Variants in ABCA3 observed in about 807,000 individuals in gnomAD.
ABCA3 encodes phospholipid-transporting ATPase ABCA3.
ABCA3 carries 88 observed loss-of-function variants against 172.8 expected under a neutral mutation model. That is an observed-to-expected ratio of 0.51 (90% CI 0.43 to 0.61). ABCA3 has a LOEUF of 0.61. Among genes scored for constraint, ABCA3 ranks in the 20% least tolerant of loss-of-function variants. The pLI, the probability that ABCA3 is intolerant of heterozygous loss-of-function variation, is 0.00. For synonymous variants in ABCA3, 1,066 were observed against 983.8 expected (o/e 1.08, Z -1.56); for missense variants, 2,164 against 2,301.0 (o/e 0.94, Z 1.22).
chr16:2,295,537 T>C (rs932820342), intron 18 of ABCA3, 53 bp downstream of exon 18: 34 of 1,603,280 alleles, frequency 2.1e-5, no homozygotes, highest in Admixed American at 6.7e-5. Context: ...TCATGGCCCA[T>C]GGGGATCCCA....
intron 8 of ABCA3, 54 bp from the exon 9 acceptor site, chr16:2,317,818 G>T: frequency 6.5e-7 from 1 of 1,547,560 alleles, no homozygotes; most frequent in East Asian, 2.2e-5. Flanking sequence ...CGCCATGATG[G>T]CATGTGCCAG....
intron 9 of ABCA3, 107 bp downstream of exon 9, chr16:2,317,541 C>A: frequency 1.3e-6 from 2 of 1,581,308 alleles, no homozygotes; most frequent in South Asian, 1.1e-5. Flanking sequence ...CCATGAGGGA[C>A]AGACTCTCTC....
At chr16:2,316,850 T>C (rs904394747) in intron 10 of ABCA3, among the ~76,000 whole-genome samples, 2 of 152,104 alleles carry the variant, frequency 1.3e-5, no homozygotes, top group Admixed American at 6.6e-5. Flanking sequence ...ACACAACTTA[T>C]AGCCTCTGAA....
chr16:2,326,535 A>G, intron 3 of ABCA3, 43 bp from the exon 4 acceptor site: 2 of 1,557,598 alleles, frequency 1.3e-6, no homozygotes, highest in Non-Finnish European at 1.7e-6. Context: ...GCGCAATAGA[A>G]ACACGCAGAG....
intron 17 of ABCA3, 141 bp from the exon 18 acceptor site, chr16:2,295,881 G>C (rs1362874080): frequency 1.7e-6 from 2 of 1,158,890 alleles, no homozygotes; most frequent in East Asian, 2.5e-5. Flanking sequence ...GAAGCAGAAT[G>C]AATGTGTCTT....
Position 2,323,572 on chromosome 16 carries a change from G to A in ABCA3, c.564C>T (p.Phe188=). The change falls in exon 7 of 33, where the codon TTC becomes TTT. Residue 188 remains phenylalanine (F), a synonymous_variant. Transcript: ENST00000301732. The stretch of plus-strand genomic sequence containing the variant: ...TAGGTTCCCTTGGTCCTGGGTTTGG[G>A]AAAAGCGGGAAAAGGGAAGTAGTGT... ...GWHTTSLFPL[F]PNPGPREPTS... The A allele has an allele frequency of 1.2e-6, 2 of 1,614,154 alleles. No individual in the cohort carries two copies. The highest frequency in any genetic ancestry group is 8.5e-7 in the Non-Finnish European group (1 of 1,180,038).
chr16:2,281,567 GAGAA>G lies in ABCA3; in HGVS notation c.4036-62_4036-59del. 1 of 1,050,104 alleles carries G rather than the reference GAGAA, an allele frequency of 9.5e-7. No individual in the cohort carries two copies. Among genetic ancestry groups the G allele is most frequent in the Non-Finnish European group, 1.4e-6 (1 of 715,104 alleles). The allele number at this position is 1,050,104 out of a possible 1,614,324, so 65.0% of individuals were successfully genotyped here. On this transcript the variant is annotated intron_variant, in intron 26 of 32. Transcript: ENST00000301732. The surrounding 1 kb of genome is among the most constrained non-coding windows in gnomAD (Gnocchi z 4.7). Reference sequence around the variant, plus strand: ...ACCCAGCCGCAGGGCGGCTTCCGTGGAGAAGGGAGGGGCGGGGGTGGATGTGGGA... The same window carrying G: ...ACCCAGCCGCAGGGCGGCTTCCGTGGGGGAGGGGCGGGGGTGGATGTGGGA...
Position 2,281,590 on chromosome 16 carries a change from T to C in ABCA3, c.4036-81A>G, listed in dbSNP as rs535498378. 2 of 1,185,064 alleles carry C rather than the reference T, an allele frequency of 1.7e-6. No individual in the cohort carries two copies. The highest frequency in any genetic ancestry group is 2.4e-6 in the Non-Finnish European group (2 of 828,008). 73.4% of individuals were successfully genotyped at this position (1,185,064 alleles called of 1,614,324 possible). ...TGGAGAAGGGAGGGGCGGGGGTGGA[T>C]GTGGGAGGTCTGGTGGGACTAAGGC... is the stretch of plus-strand genomic sequence containing the variant. On this transcript the variant is annotated intron_variant, in intron 26 of 32. Coordinates refer to ENST00000301732, the MANE Select transcript of ABCA3 (RefSeq NM_001089.3). This position sits in a 1 kb window ranked among gnomAD's most constrained non-coding sequence, Gnocchi z 4.7.
At position 2,340,655 on chromosome 16, in the gene ABCA3, A is replaced by T. The variant is rs1405256193; in HGVS notation, c.-621T>A. ...CCCTCGGCCACCCGGGCTCCGCTCC[A>T]GCCTCGCAGTGGCGGCGGCACTGAC... On this transcript the variant is annotated 5_prime_UTR_variant, in exon 1 of 33. Coordinates refer to ENST00000301732, the MANE Select transcript of ABCA3 (RefSeq NM_001089.3). The T allele has an allele frequency of 6.7e-6, 1 of 149,810 alleles. No homozygotes were observed. The highest frequency in any genetic ancestry group is 1.5e-5 in the Non-Finnish European group (1 of 67,082). The allele number at this position is 149,810 out of a possible 1,614,324, so 9.3% of individuals were successfully genotyped here.
chr16:2,304,088 C>A lies in ABCA3; in HGVS notation c.1348G>T (p.Gly450Trp), dbSNP rs377714049. Reference sequence around the variant, plus strand: ...AGCAGCAGCATCCCCAGCACCTGCCCGAAGCAGAAGTCGTCGTCCACGTTG... The same window carrying A: ...AGCAGCAGCATCCCCAGCACCTGCCAGAAGCAGAAGTCGTCGTCCACGTTG... ...PVNVDDDFCF[G>W]QVLGMLLLDS... Residue 450 changes from glycine (G) to tryptophan (W), a missense_variant, in exon 12 of 33, where the codon GGG becomes TGG. Physicochemically the swap from Gly to Trp is radical, Grantham distance 184. This residue lies in a region of ABCA3 where 1,343 missense variants were observed against 1,369.6 expected (regional missense o/e 0.98). Coordinates refer to ENST00000301732, the MANE Select transcript of ABCA3 (RefSeq NM_001089.3). 2 of 1,614,142 alleles carry A rather than the reference C, an allele frequency of 1.2e-6. No individual in the cohort carries two copies. The highest frequency in any genetic ancestry group is 1.3e-5 in the African/African-American group (1 of 75,028).
rs1454726709 is a variant in ABCA3 at position 2,323,694 on chromosome 16, G to A, written c.448-6C>T. ...AACCGTAGGTGATATTTCACCTGTG[G>A]AAACAAAGAGAAAACCAGCTGTTCC... On this transcript the variant is annotated splice_region_variant and splice_polypyrimidine_tract_variant and intron_variant, in intron 6 of 32. Transcript: ENST00000301732. The A allele has an allele frequency of 1.9e-6, 3 of 1,613,970 alleles. No individual in the cohort carries two copies. The highest frequency in any genetic ancestry group is 2.7e-5 in the African/African-American group (2 of 74,938).
In ABCA3 at chr16:2,301,029, GA is replaced by G. The variant is rs1317865606; in HGVS notation, c.1468-882del. ...GCGGATCATGAGGTCAGGAGATCGA[GA>G]CCATCCTGGCTAACACGGTGAAACC... On this transcript the variant is annotated intron_variant, in intron 12 of 32. Coordinates refer to ENST00000301732, the MANE Select transcript of ABCA3 (RefSeq NM_001089.3). Among the ~76,000 whole-genome samples, 146 of 151,870 alleles carry G rather than the reference GA, an allele frequency of 9.6e-4. 7 individuals carry two copies. The highest frequency in any genetic ancestry group is 3.2e-3 in the African/African-American group (134 of 41,348).
At chr16:2,325,971 A>T in intron 5 of ABCA3, 39 bp downstream of exon 5, 1 of 1,610,638 alleles carries the variant, frequency 6.2e-7, no homozygotes, top group Non-Finnish European at 8.5e-7. Context: ...GCGTGGAGGC[A>T]CCACTAGGCC....
rs919629228 is a variant in ABCA3, at chr16:2,317,549, C to A, written c.990+99G>T. On this transcript the variant is annotated intron_variant, in intron 9 of 32. Coordinates refer to ENST00000301732, the MANE Select transcript of ABCA3 (RefSeq NM_001089.3). ...CTCTCCCCCATGAGGGACAGACTCT[C>A]TCTGAAGTCTCTGACCACAAAGTTC... 7.0e-6 allele frequency: 11 copies of A among 1,579,010 alleles called. No homozygotes were observed. In the African/African-American group the frequency reaches 1.3e-4, roughly 19 times the overall value.
chr16:2,308,846 C>T (rs957997560), intron 10 of ABCA3, among the ~76,000 whole-genome samples: 1 of 152,186 alleles, frequency 6.6e-6, no homozygotes, highest in Non-Finnish European at 1.5e-5. Context: ...GGGACCCCCA[C>T]ACCAACACCT....
intron 3 of ABCA3, 36 bp from the exon 4 acceptor site, chr16:2,326,528 C>A (rs370036779): frequency 2.4e-5 from 38 of 1,566,008 alleles, no homozygotes; most frequent in Non-Finnish European, 2.8e-5. Flanking sequence ...TGTGGGTGCG[C>A]AATAGAAACA....
At chr16:2,329,160 TA>T (rs1353534320) in intron 2 of ABCA3, among the ~76,000 whole-genome samples, 1 of 152,158 alleles carries the variant, frequency 6.6e-6, no homozygotes, top group Non-Finnish European at 1.5e-5. Flanking sequence ...GTGAAGAAAT[TA>T]AAGCTAAAAT....
chr16:2,316,489 G>GA (rs2141728840), intron 10 of ABCA3, among the ~76,000 whole-genome samples: 1 of 7,984 alleles, frequency 1.3e-4, no homozygotes, highest in East Asian at 1.3e-3. Context: ...TACTAAAAAT[G>GA]CAAAAAAAAA....
intron 1 of ABCA3, chr16:2,332,617 G>A (rs191023532): frequency 6.4e-5 from 101 of 1,586,996 alleles, no homozygotes; most frequent in South Asian, 2.2e-5. Context: ...GTACTGTAGC[G>A]TGGGCGGCTC....
Sources: allele counts gnomAD v4.1 joint callset (sites outside exome capture counted in the v4.1 genomes callset), GRCh38; gene constraint gnomAD v4.1.1; regional missense constraint gnomAD v4.1.1; non-coding constraint Gnocchi (gnomAD v3.1); transcripts MANE v1.5; gene names NCBI Gene and HGNC (gene_info 2026-07-23, HGNC 2026-07-21).